The following GLT1D1 variants were observed in gnomAD, a reference collection of about 807,000 sequenced individuals.
The protein encoded by GLT1D1 is glycosyltransferase 1 domain-containing protein 1.
In GLT1D1, 21 loss-of-function variants were observed where a neutral mutation model predicts 28.7. The ratio of observed to expected loss-of-function variants is 0.73; its 90% CI spans 0.52 to 1.05. The LOEUF (loss-of-function observed/expected upper bound fraction) is 1.05, where lower values mean the gene tolerates loss of function less well. Among genes scored for constraint, GLT1D1 ranks in the 50% least tolerant of loss-of-function variants. The pLI, the probability that GLT1D1 is intolerant of heterozygous loss-of-function variation, is 0.00. For missense variants in GLT1D1, 343 were observed against 330.6 expected (o/e 1.04, Z -0.29); for synonymous variants, 147 against 124.8 (o/e 1.18, Z -1.19).
rs1311015555 is a variant in GLT1D1 at position 128,881,376 on chromosome 12, C to CA, written c.217+5322dup. Among the ~76,000 whole-genome samples, 9 of 146,424 alleles carry CA rather than the reference C, an allele frequency of 6.1e-5. No homozygotes were observed. The East Asian group carries it at 1.2e-3, about 20-fold the overall frequency. The stretch of plus-strand genomic sequence containing the variant: ...TGAAGCCCCGTCTCTACTAAAAATA[C>CA]AAAAAAAATTAGCTGACCATGGTGG... On this transcript the variant is annotated intron_variant, in intron 2 of 7. Coordinates refer to ENST00000281703, the MANE Select transcript of GLT1D1 (RefSeq NM_144669.3).
intron 7 of GLT1D1, among the ~76,000 whole-genome samples, chr12:128,977,811 TCTTGTCGCC>T (rs1190502741): frequency 1.3e-5 from 2 of 149,092 alleles, no homozygotes; most frequent in East Asian, 4.0e-4. Flanking sequence ...AGAGTTTCAC[TCTTGTCGCC>T]CAGGCTGGGG....
At chr12:128,906,925 T>C (rs1482836057) in intron 4 of GLT1D1, 19 of 702,468 alleles carry the variant, frequency 2.7e-5, no homozygotes, top group African/African-American at 7.0e-5. Context: ...ACAGATCTCA[T>C]TGGCTGTCAC....
intron 5 of GLT1D1, among the ~76,000 whole-genome samples, chr12:128,946,100 T>C (rs1308733770): frequency 1.3e-5 from 2 of 152,188 alleles, no homozygotes; most frequent in Non-Finnish European, 2.9e-5. Flanking sequence ...ATCTTTAGAT[T>C]GCTCCTAGGT....
chr12:128,890,749 A>G (rs1311164000), intron 3 of GLT1D1, among the ~76,000 whole-genome samples: 1 of 150,864 alleles, frequency 6.6e-6, no homozygotes, highest in Non-Finnish European at 1.5e-5. Context: ...ATGTAATCCC[A>G]GCATTTTGGG....
chr12:128,980,836 G>A (rs10847730), intron 7 of GLT1D1, among the ~76,000 whole-genome samples: 43,398 of 152,142 alleles, frequency 0.29, 6,556 homozygotes, highest in East Asian at 0.45. Flanking sequence ...GCGGGGTGGG[G>A]AATAGACCAC....
intron 6 of GLT1D1, among the ~76,000 whole-genome samples, chr12:128,952,473 T>TTTC (rs1876804051): frequency 4.2e-5 from 3 of 71,216 alleles, no homozygotes; most frequent in African/African-American, 2.3e-4. Flanking sequence ...TTCTTTCTTT[T>TTTC]TTTTTTTTTT....
At chr12:128,931,096 G>A (rs1873821887) in intron 4 of GLT1D1, among the ~76,000 whole-genome samples, 3 of 151,898 alleles carry the variant, frequency 2.0e-5, no homozygotes, top group South Asian at 4.2e-4. Flanking sequence ...CCGCCTCATG[G>A]GTTCAAGCAA....
At chr12:128,911,687 A>G (rs1871549167) in intron 4 of GLT1D1, among the ~76,000 whole-genome samples, 2 of 152,164 alleles carry the variant, frequency 1.3e-5, no homozygotes, top group African/African-American at 2.4e-5. Flanking sequence ...CACCTTAAAA[A>G]TATTCCTGCC....
chr12:128,903,823 C>T (rs1435130447), intron 4 of GLT1D1, among the ~76,000 whole-genome samples: 4 of 151,746 alleles, frequency 2.6e-5, no homozygotes, highest in African/African-American at 9.7e-5. Flanking sequence ...CTCTGCCTCC[C>T]AAGTTCAAGC....
intron 1 of GLT1D1, among the ~76,000 whole-genome samples, chr12:128,872,407 T>A (rs1156722948): frequency 6.6e-6 from 1 of 152,104 alleles, no homozygotes; most frequent in Non-Finnish European, 1.5e-5. Flanking sequence ...GACTGTGGTG[T>A]GTAGGAACTG....
chr12:128,931,566 C>G (rs1325037990), intron 4 of GLT1D1, among the ~76,000 whole-genome samples: 1 of 152,164 alleles, frequency 6.6e-6, no homozygotes, highest in African/African-American at 2.4e-5. Flanking sequence ...CCTCGGCCTC[C>G]CAAAGTGCTG....
chr12:128,967,267 C>T (rs1486233181), intron 7 of GLT1D1, among the ~76,000 whole-genome samples: 8 of 152,212 alleles, frequency 5.3e-5, no homozygotes, highest in Admixed American at 2.0e-4. Context: ...GCTTATTTTT[C>T]TTCAAACGCT....
At position 128,911,857 on chromosome 12, in the gene GLT1D1, A is replaced by C. The variant is rs145643263; in HGVS notation, c.375+12570A>C. Among the ~76,000 whole-genome samples the C allele has an allele frequency of 3.2e-3, 492 of 152,140 alleles. 4 individuals carry two copies. Among genetic ancestry groups the C allele is most frequent in the African/African-American group, 0.01 (425 of 41,496 alleles). On this transcript the variant is annotated intron_variant, in intron 4 of 7. Transcript: ENST00000281703. ...CCTTTTGCTTGGTGCCAGGGAGGTAACTTACCAGACGCTTTCCACCCGGCT... is the reference window on the plus strand; with the variant it reads ...CCTTTTGCTTGGTGCCAGGGAGGTACCTTACCAGACGCTTTCCACCCGGCT...
intron 7 of GLT1D1, among the ~76,000 whole-genome samples, chr12:128,975,709 C>A (rs917125278): frequency 6.6e-6 from 1 of 152,188 alleles, no homozygotes; most frequent in East Asian, 1.9e-4. Flanking sequence ...GCCTTGGGCT[C>A]CCAAAGTGCA....
intron 4 of GLT1D1, among the ~76,000 whole-genome samples, chr12:128,924,472 T>C (rs1409562036): frequency 6.6e-6 from 1 of 151,878 alleles, no homozygotes; most frequent in Non-Finnish European, 1.5e-5. Flanking sequence ...TATTTATTTA[T>C]TTATTTTTTT....
intron 6 of GLT1D1, among the ~76,000 whole-genome samples, chr12:128,956,158 C>CAAAAAAAAAAAAAAAA (rs1555219265): frequency 0.13 from 930 of 7,422 alleles, 224 homozygotes; most frequent in Non-Finnish European, 0.21. Flanking sequence ...GACTCCATCT[C>CAAAAAAAAAAAAAAAA]AAAAAAAAAA....
At chr12:128,861,081 C>T (rs920168791) in intron 1 of GLT1D1, among the ~76,000 whole-genome samples, 2 of 43,634 alleles carry the variant, frequency 4.6e-5, no homozygotes, top group African/African-American at 9.1e-5. Context: ...TCAAAGGGTG[C>T]CCCCCGTTAT....
At position 128,955,608 on chromosome 12, in the gene GLT1D1, A is replaced by G. The variant is rs79413592; in HGVS notation, c.541-1937A>G. Among the ~76,000 whole-genome samples, 784 of 151,618 alleles carry G rather than the reference A, an allele frequency of 5.2e-3. 6 individuals carry two copies. The highest frequency in any genetic ancestry group is 0.018 in the African/African-American group (736 of 41,250). ...TTAGTGTCCCCCAACCCAGCTCCCC[A>G]TAGCTCTTCATGACACTGAACCCTC... is the stretch of plus-strand genomic sequence containing the variant. On this transcript the variant is annotated intron_variant, in intron 6 of 7. Transcript: ENST00000281703.
intron 1 of GLT1D1, among the ~76,000 whole-genome samples, chr12:128,871,720 C>T (rs896479718): frequency 3.3e-5 from 5 of 152,128 alleles, no homozygotes; most frequent in Admixed American, 6.6e-5. Flanking sequence ...ACTTCCTCCT[C>T]CTCTGATCTT....
Sources: gnomAD v4.1 joint callset for allele counts (sites outside exome capture counted in the v4.1 genomes callset) on GRCh38, gnomAD v4.1.1 for gene constraint, MANE v1.5 for transcripts, NCBI Gene and HGNC (gene_info 2026-07-23, HGNC 2026-07-21) for gene names.